The following TCF7L2 variants were observed in gnomAD, a reference collection of about 807,000 sequenced individuals.
The protein encoded by TCF7L2 is transcription factor 7-like 2.
Under a neutral mutation model 77.9 loss-of-function variants are expected in TCF7L2, and 23 were observed. The observed-to-expected ratio is 0.30, with a 90% CI of 0.21 to 0.42. TCF7L2 has a LOEUF of 0.42. Among genes scored for constraint, TCF7L2 ranks in the 10% least tolerant of loss-of-function variants. The pLI is 1.00. For synonymous variants in TCF7L2, 413 were observed against 340.2 expected (o/e 1.21, Z -2.36); for missense variants, 654 against 793.1 (o/e 0.82, Z 2.11).
At chr10:112,979,303 A>G (rs940443691) in intron 4 of TCF7L2, among the ~76,000 whole-genome samples, 1 of 152,128 alleles carries the variant, frequency 6.6e-6, no homozygotes, top group Non-Finnish European at 1.5e-5. Context: ...AAAGCCCTAG[A>G]ATTTGTTTTC....
intron 3 of TCF7L2, among the ~76,000 whole-genome samples, chr10:112,955,884 C>T (rs531509775): frequency 2.6e-5 from 4 of 152,006 alleles, no homozygotes; most frequent in South Asian, 4.1e-4. Flanking sequence ...ATAGTTGCAC[C>T]AGAGGCTGTG....
chr10:113,048,607 C>G (rs1166351519), intron 5 of TCF7L2, among the ~76,000 whole-genome samples: 1 of 152,212 alleles, frequency 6.6e-6, no homozygotes, highest in Non-Finnish European at 1.5e-5. Context: ...GGGGTTATGA[C>G]ACTGAATGGT....
At chr10:113,118,315 G>A (rs1480781597) in intron 5 of TCF7L2, among the ~76,000 whole-genome samples, 2 of 152,168 alleles carry the variant, frequency 1.3e-5, no homozygotes, top group East Asian at 3.9e-4. Flanking sequence ...GTCTTGAGGT[G>A]ATCAGTGGGA....
At chr10:113,117,776 T>G (rs1021263392) in intron 5 of TCF7L2, among the ~76,000 whole-genome samples, 16 of 152,072 alleles carry the variant, frequency 1.1e-4, no homozygotes, top group African/African-American at 3.9e-4. Context: ...TGGAAGCAAC[T>G]AAAAAATGTC....
chr10:113,162,955 C>G (rs1564989237), intron 13 of TCF7L2, among the ~76,000 whole-genome samples: 1 of 150,388 alleles, frequency 6.6e-6, no homozygotes, highest in Non-Finnish European at 1.5e-5. Context: ...TTCCTTTTAA[C>G]GTGGCTATGG....
intron 4 of TCF7L2, among the ~76,000 whole-genome samples, chr10:113,000,517 G>T (rs1287249727): frequency 6.6e-6 from 1 of 152,190 alleles, no homozygotes. Context: ...ACAGATCCTG[G>T]ATTTAACCAG....
At chr10:113,084,723 G>A (rs2059647227) in intron 5 of TCF7L2, among the ~76,000 whole-genome samples, 1 of 151,790 alleles carries the variant, frequency 6.6e-6, no homozygotes, top group Admixed American at 6.6e-5. Flanking sequence ...GGTGAAACCC[G>A]GTCTCTACCA....
intron 5 of TCF7L2, among the ~76,000 whole-genome samples, chr10:113,100,761 G>C (rs1189868661): frequency 6.6e-6 from 1 of 152,172 alleles, no homozygotes; most frequent in East Asian, 1.9e-4. Flanking sequence ...TTGAAATTGA[G>C]GTTCAAGTTA....
intron 5 of TCF7L2, among the ~76,000 whole-genome samples, chr10:113,102,681 C>T (rs1250442800): frequency 1.3e-5 from 2 of 151,974 alleles, no homozygotes; most frequent in African/African-American, 4.8e-5. Flanking sequence ...CTTCCTCGGC[C>T]CCTCTAAGTA....
intron 5 of TCF7L2, among the ~76,000 whole-genome samples, chr10:113,105,270 G>A (rs947093572): frequency 2.6e-5 from 4 of 152,128 alleles, no homozygotes; most frequent in Non-Finnish European, 4.4e-5. Context: ...GAAGTGTACC[G>A]TCTAGCCAGG....
chr10:112,992,838 A>G (rs2042820985), intron 4 of TCF7L2, among the ~76,000 whole-genome samples: 1 of 150,874 alleles, frequency 6.6e-6, no homozygotes, highest in Non-Finnish European at 1.5e-5. Flanking sequence ...ATCTCGGCTC[A>G]CTGCAACCTC....
At chr10:113,119,860 C>T (rs187162084) in intron 5 of TCF7L2, among the ~76,000 whole-genome samples, 27 of 152,290 alleles carry the variant, frequency 1.8e-4, no homozygotes, top group African/African-American at 6.3e-4. Context: ...TACCCCCAAG[C>T]GGTCTCTTTT....
chr10:113,146,241 C>T, intron 8 of TCF7L2, 144 bp downstream of exon 8: 1 of 709,598 alleles, frequency 1.4e-6, no homozygotes, highest in East Asian at 2.8e-5. Flanking sequence ...GCTGTACTCC[C>T]AGAAAATCCT....
intron 5 of TCF7L2, among the ~76,000 whole-genome samples, chr10:113,066,982 A>C (rs973729629): frequency 6.6e-6 from 1 of 152,228 alleles, no homozygotes; most frequent in Non-Finnish European, 1.5e-5. Context: ...TCAGAAGGCG[A>C]TATTAGAGCA....
At chr10:113,077,773 C>T (rs1483329081) in intron 5 of TCF7L2, among the ~76,000 whole-genome samples, 1 of 149,020 alleles carries the variant, frequency 6.7e-6, no homozygotes, top group Non-Finnish European at 1.5e-5. Context: ...TATCTCGGCT[C>T]ACTGCAACCT....
At chr10:113,040,903 A>T (rs1308740973) in intron 5 of TCF7L2, among the ~76,000 whole-genome samples, 1 of 152,218 alleles carries the variant, frequency 6.6e-6, no homozygotes, top group Middle Eastern at 3.2e-3. Flanking sequence ...GAAATAATTA[A>T]TGGAAGGCAT....
chr10:113,157,045 T>C (rs897281837), intron 11 of TCF7L2, among the ~76,000 whole-genome samples: 1 of 152,268 alleles, frequency 6.6e-6, no homozygotes, highest in Admixed American at 6.5e-5. Context: ...ATCCTCATTA[T>C]GTCAGCTAGA....
chr10:113,061,740 C>T (rs114645122), intron 5 of TCF7L2, among the ~76,000 whole-genome samples: 1 of 152,296 alleles, frequency 6.6e-6, no homozygotes, highest in African/African-American at 2.4e-5. Context: ...TGGAACTGTA[C>T]AGTTCACGTT....
chr10:113,110,733 G>C (rs1403147248), intron 5 of TCF7L2, among the ~76,000 whole-genome samples: 1 of 152,176 alleles, frequency 6.6e-6, no homozygotes, highest in Non-Finnish European at 1.5e-5. Context: ...CTAAAATTAA[G>C]TATGGAAGTA....
Sources: allele counts gnomAD v4.1 joint callset (sites outside exome capture counted in the v4.1 genomes callset), GRCh38; gene constraint gnomAD v4.1.1; transcripts MANE v1.5; gene names NCBI Gene and HGNC (gene_info 2026-07-23, HGNC 2026-07-21).